PLEKHA5: variants seen among roughly 807,000 people sequenced by gnomAD.
PLEKHA5 encodes the protein pleckstrin homology domain containing A5.
Under a neutral mutation model 181.9 loss-of-function variants are expected in PLEKHA5, and 55 were observed. The observed-to-expected ratio is 0.30, with a 90% CI of 0.24 to 0.38. The LOEUF (loss-of-function observed/expected upper bound fraction) is 0.38. Among genes scored for constraint, PLEKHA5 ranks in the 10% least tolerant of loss-of-function variants. The pLI is 1.00. For synonymous variants in PLEKHA5, 535 were observed against 529.4 expected, an observed-to-expected ratio of 1.01 and a Z score of -0.15; for missense variants, 1,432 against 1,549.5, an observed-to-expected ratio of 0.92 and a Z score of 1.27.
chr12:19,350,136 T>C (rs2094523373), intron 25 of PLEKHA5, among the ~76,000 whole-genome samples: 1 of 152,110 alleles, frequency 6.6e-6, no homozygotes, highest in African/African-American at 2.4e-5. Flanking sequence ...CAGATAGATA[T>C]ATCGCACTGT....
At chr12:19,284,777 G>A (rs2076883886) in intron 12 of PLEKHA5, among the ~76,000 whole-genome samples, 1 of 151,878 alleles carries the variant, frequency 6.6e-6, no homozygotes, top group South Asian at 2.1e-4. Flanking sequence ...TCATACTGAA[G>A]AGTTCTTTGA....
At chr12:19,329,590 A>C (rs865804038) in intron 20 of PLEKHA5, among the ~76,000 whole-genome samples, 1 of 151,906 alleles carries the variant, frequency 6.6e-6, no homozygotes, top group African/African-American at 2.4e-5. Context: ...GAATTTATCT[A>C]TTTCATCTAG....
intron 3 of PLEKHA5, among the ~76,000 whole-genome samples, chr12:19,141,468 T>C (rs2037268034): frequency 6.6e-6 from 1 of 152,118 alleles, no homozygotes; most frequent in African/African-American, 2.4e-5. Flanking sequence ...GAAGTCAAGA[T>C]GTGAAAGACT....
chr12:19,360,831 C>G (rs565690830), intron 28 of PLEKHA5, among the ~76,000 whole-genome samples: 1 of 151,918 alleles, frequency 6.6e-6, no homozygotes, highest in South Asian at 2.1e-4. Context: ...TCTTGGCTCA[C>G]TGCAACCTCT....
intron 3 of PLEKHA5, among the ~76,000 whole-genome samples, chr12:19,143,084 A>C (rs570865354): frequency 1.3e-4 from 20 of 152,328 alleles, no homozygotes; most frequent in African/African-American, 2.2e-4. Context: ...GCTGCAGTGA[A>C]CATGGGAGCA....
intron 3 of PLEKHA5, among the ~76,000 whole-genome samples, chr12:19,159,813 A>G (rs558649683): frequency 1.1e-4 from 16 of 152,306 alleles, no homozygotes; most frequent in Non-Finnish European, 2.2e-4. Context: ...AAGTATTTGA[A>G]GCCCGTAGAG....
chr12:19,282,025 G>A (rs1313012860), intron 11 of PLEKHA5, among the ~76,000 whole-genome samples: 5 of 151,818 alleles, frequency 3.3e-5, no homozygotes, highest in African/African-American at 7.3e-5. Flanking sequence ...CTCTTGATCC[G>A]CCTGCCTCCG....
At position 19,322,544 on chromosome 12, in the gene PLEKHA5, A is replaced by T. The variant is rs1773699183; in HGVS notation, c.2325A>T (p.Ser775=). The change falls in exon 20 of 32, where the codon TCA becomes TCT. Residue 775 remains serine, a synonymous_variant. Coordinates refer to ENST00000429027, the MANE Select transcript of PLEKHA5 (RefSeq NM_001256470.2). ...EKYTLEQALL[S]ASQEIEMHAD... ...ACACGCTTGAGCAAGCTTTGCTATC[A>T]GCCAGCCAAGAGATAGAAATGCATG... is the stretch of plus-strand genomic sequence containing the variant. 1 of 1,613,842 alleles carries T rather than the reference A, an allele frequency of 6.2e-7. No homozygotes were observed. Among genetic ancestry groups the T allele is most frequent in the Non-Finnish European group, 8.5e-7 (1 of 1,179,820 alleles).
At chr12:19,277,724 T>C (rs1209492509) in intron 11 of PLEKHA5, among the ~76,000 whole-genome samples, 1 of 152,212 alleles carries the variant, frequency 6.6e-6, no homozygotes, top group Non-Finnish European at 1.5e-5. Flanking sequence ...ATTCAATATA[T>C]AAATCATTTT....
intron 30 of PLEKHA5, among the ~76,000 whole-genome samples, chr12:19,368,966 C>A (rs532230630): frequency 2.2e-3 from 329 of 151,826 alleles, no homozygotes; most frequent in Middle Eastern, 3.4e-3. Context: ...AAAAAAAGTT[C>A]CAACAGAAAA....
At chr12:19,282,192 A>G (rs78028139) in intron 11 of PLEKHA5, among the ~76,000 whole-genome samples, 9,848 of 152,278 alleles carry the variant, frequency 0.065, 548 homozygotes, top group East Asian at 0.18. Context: ...CCCAAAATTA[A>G]CATTTTAAAA....
At chr12:19,361,753 T>C in intron 29 of PLEKHA5, 47 bp downstream of exon 29, 1 of 1,498,880 alleles carries the variant, frequency 6.7e-7, no homozygotes, top group African/African-American at 1.4e-5. Context: ...ACTGTGTAAC[T>C]GCTTAAAAAT....
chr12:19,352,411 A>G (rs1272733182), intron 25 of PLEKHA5, among the ~76,000 whole-genome samples: 1 of 151,810 alleles, frequency 6.6e-6, no homozygotes, highest in Non-Finnish European at 1.5e-5. Context: ...AATACAGAAG[A>G]TAAAGTGAAA....
chr12:19,253,801 C>T lies in PLEKHA5; in HGVS notation c.228-139C>T, dbSNP rs533539854. On this transcript the variant is annotated intron_variant, in intron 3 of 31. Transcript: ENST00000429027. The stretch of plus-strand genomic sequence containing the variant: ...CGCCATTGCACTCCAACCTGGGCGA[C>T]AAGAATAAAACTCCGTCTCAAAAAC... The T allele has an allele frequency of 2.0e-5, 13 of 645,828 alleles. No homozygotes were observed. In the East Asian group the frequency reaches 2.9e-4, roughly 14 times the overall value. 40.0% of individuals were successfully genotyped at this position (645,828 alleles called of 1,614,324 possible).
chr12:19,287,826 C>T (rs2077540612), intron 13 of PLEKHA5, among the ~76,000 whole-genome samples: 1 of 152,108 alleles, frequency 6.6e-6, no homozygotes. Flanking sequence ...TGCCTGTAAT[C>T]CCAGCACTTT....
intron 3 of PLEKHA5, chr12:19,152,057 A>C (rs950562560): frequency 7.9e-5 from 12 of 151,814 alleles, no homozygotes; most frequent in African/African-American, 2.9e-4. Context: ...TAGTAGAGAC[A>C]GGGTTTCAGC....
intron 16 of PLEKHA5, among the ~76,000 whole-genome samples, chr12:19,317,752 TA>T (rs1357290944): frequency 6.6e-6 from 1 of 151,872 alleles, no homozygotes; most frequent in Non-Finnish European, 1.5e-5. Context: ...TCCGACATCC[TA>T]AATAAAATAT....
At chr12:19,295,724 T>G (rs1205618101) in intron 15 of PLEKHA5, among the ~76,000 whole-genome samples, 1 of 152,156 alleles carries the variant, frequency 6.6e-6, no homozygotes, top group Non-Finnish European at 1.5e-5. Flanking sequence ...CCAAACCATT[T>G]GATGATATTT....
At chr12:19,352,075 T>C in intron 25 of PLEKHA5, among the ~76,000 whole-genome samples, 6 of 67,992 alleles carry the variant, frequency 8.8e-5, no homozygotes, top group East Asian at 4.9e-4. Context: ...AAACTCCATC[T>C]CAAAAAAAAA....
Sources: gnomAD v4.1 joint callset for allele counts (sites outside exome capture counted in the v4.1 genomes callset) on GRCh38, gnomAD v4.1.1 for gene constraint, MANE v1.5 for transcripts, NCBI Gene and HGNC (gene_info 2026-07-23, HGNC 2026-07-21) for gene names.